The following CALCRL variants were observed in gnomAD, a reference collection of about 807,000 sequenced individuals.
CALCRL encodes calcitonin gene-related peptide type 1 receptor.
A neutral mutation model predicts 60.4 loss-of-function variants in CALCRL; 27 were observed. That is an observed-to-expected ratio of 0.45 (90% CI 0.33 to 0.62). The LOEUF is 0.62. Among genes scored for constraint, CALCRL ranks in the 20% least tolerant of loss-of-function variants. The pLI is 0.03. For missense variants in CALCRL, 424 were observed against 540.7 expected, an observed-to-expected ratio of 0.78 and a Z score of 2.14; for synonymous variants, 190 against 182.6, an observed-to-expected ratio of 1.04 and a Z score of -0.33.
At chr2:187,417,536 CTT>C (rs1442345399) in intron 1 of CALCRL, among the ~76,000 whole-genome samples, 2 of 152,044 alleles carry the variant, frequency 1.3e-5, no homozygotes, top group African/African-American at 4.8e-5. Flanking sequence ...AAGCATAACT[CTT>C]AATAATTTTT....
At chr2:187,380,651 A>G (rs1687947484) in intron 6 of CALCRL, 26 bp downstream of exon 6, 3 of 1,584,396 alleles carry the variant, frequency 1.9e-6, no homozygotes, top group South Asian at 1.1e-5. Context: ...TGTCAAGGAG[A>G]TATGTAGATA....
intron 1 of CALCRL, among the ~76,000 whole-genome samples, chr2:187,390,556 G>A (rs1688393304): frequency 6.6e-6 from 1 of 152,006 alleles, no homozygotes; most frequent in Admixed American, 6.6e-5. Context: ...TATCTAATAG[G>A]CTTCAAAATC....
At chr2:187,386,705 T>C (rs13002070) in intron 3 of CALCRL, among the ~76,000 whole-genome samples, 83,661 of 136,534 alleles carry the variant, frequency 0.61, 23,565 homozygotes, top group East Asian at 0.8. Flanking sequence ...TAGCCATAAC[T>C]AAATGATATG....
chr2:187,360,482 C>A (rs1411823463), intron 10 of CALCRL, 116 bp downstream of exon 10: 12 of 856,794 alleles, frequency 1.4e-5, no homozygotes, highest in Non-Finnish European at 1.9e-5. Flanking sequence ...AAGTTAATCA[C>A]CTGATATTCT....
intron 1 of CALCRL, chr2:187,431,330 G>A (rs968262947): frequency 6.4e-6 from 1 of 155,080 alleles, no homozygotes; most frequent in African/African-American, 2.4e-5. Flanking sequence ...TTTGACAGAT[G>A]GTAGCACAAG....
intron 1 of CALCRL, among the ~76,000 whole-genome samples, chr2:187,446,104 T>G (rs1369864701): frequency 6.6e-6 from 1 of 151,684 alleles, no homozygotes; most frequent in Non-Finnish European, 1.5e-5. Context: ...TCAGCTCACA[T>G]TATTCACATA....
At chr2:187,440,993 A>C (rs967598469) in intron 1 of CALCRL, among the ~76,000 whole-genome samples, 5 of 152,070 alleles carry the variant, frequency 3.3e-5, no homozygotes, top group Admixed American at 1.3e-4. Context: ...AGGCCTTCCT[A>C]TCCAAATTAA....
chr2:187,383,054 T>C (rs953817268), intron 5 of CALCRL, 119 bp downstream of exon 5: 2 of 954,622 alleles, frequency 2.1e-6, no homozygotes, highest in African/African-American at 1.7e-5. Flanking sequence ...ACTGCACATA[T>C]ACAAAAAGGT....
chr2:187,356,534 A>G (rs1475997816), intron 12 of CALCRL, among the ~76,000 whole-genome samples: 1 of 152,210 alleles, frequency 6.6e-6, no homozygotes, highest in Non-Finnish European at 1.5e-5. Flanking sequence ...TAAAAGTAAG[A>G]CCTAAAACCA....
chr2:187,400,458 G>A (rs1688842050), intron 1 of CALCRL, among the ~76,000 whole-genome samples: 1 of 151,366 alleles, frequency 6.6e-6, no homozygotes, highest in African/African-American at 2.4e-5. Context: ...TGTAATCATT[G>A]ATAAACACCT....
chr2:187,391,975 A>G lies in CALCRL; in HGVS notation c.-292-4219T>C, dbSNP rs1013325752. ...AAGAGGGCAATCTTCTTGACATGCAATAGTGTAAAAGCATGTTTTATTGTA... is the reference window on the plus strand; with the variant it reads ...AAGAGGGCAATCTTCTTGACATGCAGTAGTGTAAAAGCATGTTTTATTGTA... On this transcript the variant is annotated intron_variant, in intron 1 of 14. Transcript: ENST00000392370. Among the ~76,000 whole-genome samples the G allele has an allele frequency of 1.8e-4, 28 of 152,228 alleles. 1 individual carries two copies. Among genetic ancestry groups the G allele is most frequent in the African/African-American group, 4.6e-4 (19 of 41,572 alleles).
intron 1 of CALCRL, among the ~76,000 whole-genome samples, chr2:187,393,654 T>C (rs992346210): frequency 6.6e-6 from 1 of 152,006 alleles, no homozygotes; most frequent in African/African-American, 2.4e-5. Context: ...ACAGAAAGTG[T>C]TTTTAAAGTA....
At position 187,343,545 on chromosome 2, in the gene CALCRL, C is replaced by T. The variant is rs1686166586; in HGVS notation, c.*2639G>A. 6.6e-6 allele frequency: 1 copy of T among 151,876 alleles called. No homozygotes were observed. Among genetic ancestry groups the T allele is most frequent in the Admixed American group, 6.6e-5 (1 of 15,154 alleles). 9.4% of individuals were successfully genotyped at this position (151,876 alleles called of 1,614,324 possible). ...ACATTGGATTACATTTAAACAAACA[C>T]TGCATTCCAGAATGAATATTTTATG... On this transcript the variant is annotated 3_prime_UTR_variant, in exon 15 of 15. Coordinates refer to ENST00000392370, the MANE Select transcript of CALCRL (RefSeq NM_005795.6).
At chr2:187,388,722 ATATAT>A (rs1354557364) in intron 1 of CALCRL, among the ~76,000 whole-genome samples, 1 of 152,066 alleles carries the variant, frequency 6.6e-6, no homozygotes, top group Non-Finnish European at 1.5e-5. Context: ...TTATTAACAG[ATATAT>A]TTTATTTTAA....
intron 9 of CALCRL, among the ~76,000 whole-genome samples, chr2:187,361,178 A>G (rs1292337557): frequency 5.5e-3 from 2 of 366 alleles, no homozygotes; most frequent in Non-Finnish European, 0.028. Flanking sequence ...CAAATACTTG[A>G]AAAGTTTGCA....
At chr2:187,371,889 T>C (rs1284456650) in intron 8 of CALCRL, among the ~76,000 whole-genome samples, 1 of 150,870 alleles carries the variant, frequency 6.6e-6, no homozygotes, top group Non-Finnish European at 1.5e-5. Flanking sequence ...AGATGTGATC[T>C]AAGAAAAAAT....
chr2:187,381,771 C>G (rs1028625606), intron 5 of CALCRL, among the ~76,000 whole-genome samples: 1 of 152,098 alleles, frequency 6.6e-6, no homozygotes, highest in Non-Finnish European at 1.5e-5. Flanking sequence ...AATTTTCTAA[C>G]TTGTCAGATA....
At chr2:187,349,647 G>T (rs698591) in intron 14 of CALCRL, among the ~76,000 whole-genome samples, 2 of 151,650 alleles carry the variant, frequency 1.3e-5, no homozygotes, top group African/African-American at 4.8e-5. Context: ...AAAGATTTGG[G>T]AACAACCTAG....
chr2:187,442,560 G>A (rs1454811180), intron 1 of CALCRL, among the ~76,000 whole-genome samples: 1 of 151,640 alleles, frequency 6.6e-6, no homozygotes, highest in Non-Finnish European at 1.5e-5. Context: ...GAAAATATAA[G>A]TGTCTTCCAT....
Sources: allele counts gnomAD v4.1 joint callset (sites outside exome capture counted in the v4.1 genomes callset), GRCh38; gene constraint gnomAD v4.1.1; transcripts MANE v1.5; gene names NCBI Gene and HGNC (gene_info 2026-07-23, HGNC 2026-07-21).